SOBP: variants seen among roughly 807,000 people sequenced by gnomAD.
SOBP encodes the protein sine oculis binding protein homolog.
In SOBP, 4 loss-of-function variants were observed where a neutral mutation model predicts 53.6. The ratio of observed to expected loss-of-function variants is 0.07; its 90% CI spans 0.04 to 0.17. The LOEUF (loss-of-function observed/expected upper bound fraction) is 0.17. SOBP is among the 10% of genes least tolerant of loss of function. The pLI is 1.00. For synonymous variants in SOBP, 584 were observed against 522.6 expected (o/e 1.12, Z -1.60); for missense variants, 1,088 against 1,204.7 (o/e 0.90, Z 1.43).
intron 3 of SOBP, among the ~76,000 whole-genome samples, chr6:107,516,322 T>C (rs1783319232): frequency 6.6e-6 from 1 of 151,180 alleles, no homozygotes; most frequent in Non-Finnish European, 1.5e-5. Context: ...ATTAGTAGGG[T>C]GTGGTGATGC....
intron 3 of SOBP, among the ~76,000 whole-genome samples, chr6:107,521,184 AC>A (rs1417411919): frequency 2.7e-5 from 4 of 148,324 alleles, no homozygotes; most frequent in Non-Finnish European, 5.9e-5. Context: ...TTTGTCACTC[AC>A]CCAGTGTCTC....
chr6:107,500,280 T>C (rs1387039694), intron 1 of SOBP, among the ~76,000 whole-genome samples: 1 of 151,554 alleles, frequency 6.6e-6, no homozygotes, highest in Non-Finnish European at 1.5e-5. Flanking sequence ...TCCCACCTAC[T>C]TGGGAGGCTG....
Position 107,634,902 on chromosome 6 carries a change from G to T in SOBP, c.2058G>T (p.Glu686Asp). 1 of 1,273,806 alleles carries T rather than the reference G, an allele frequency of 7.9e-7. No individual in the cohort carries two copies. The highest frequency in any genetic ancestry group is 1.0e-6 in the Non-Finnish European group (1 of 1,000,586). The allele number at this position is 1,273,806 out of a possible 1,614,324, so 78.9% of individuals were successfully genotyped here. ...VKAEREPSAAERRTCGGCRDG... is the reference protein window; with the variant it reads ...VKAEREPSAADRRTCGGCRDG... ...CGGAGCGCGAGCCGAGCGCCGCGGA[G>T]CGCAGGACCTGCGGCGGCTGCAGGG... Residue 686 changes from glutamate (E) to aspartate (D), a missense_variant, in exon 6 of 7, where the codon GAG (glutamate) becomes GAT (aspartate). Physicochemically the swap from Glu to Asp is conservative, Grantham distance 45. This residue lies in a region of SOBP where 665 missense variants were observed against 629.7 expected (regional missense o/e 1.06). Coordinates refer to ENST00000317357, the MANE Select transcript of SOBP (RefSeq NM_018013.4). The surrounding 1 kb of genome is among the most constrained non-coding windows in gnomAD (Gnocchi z 4.5).
chr6:107,573,373 A>G (rs1562624732), intron 4 of SOBP, among the ~76,000 whole-genome samples: 1 of 152,000 alleles, frequency 6.6e-6, no homozygotes, highest in Non-Finnish European at 1.5e-5. Flanking sequence ...TTTTCTCCAG[A>G]AAAGAAAGCA....
chr6:107,619,825 G>A (rs1026333122), intron 5 of SOBP, among the ~76,000 whole-genome samples: 1 of 152,076 alleles, frequency 6.6e-6, no homozygotes, highest in Non-Finnish European at 1.5e-5. Flanking sequence ...TCCTGGGTAC[G>A]CCACACCCAT....
rs1015337213 is a variant in SOBP at position 107,659,581 on chromosome 6, T to G, written c.*1378T>G. On this transcript the variant is annotated 3_prime_UTR_variant, in exon 7 of 7. Transcript: ENST00000317357. ...CTTGTGATTCAGTGTATCTGTTTAC[T>G]AACTCAAATAAAGCAATTGTTCCCT... 3.3e-5 allele frequency: 5 copies of G among 152,036 alleles called. No homozygotes were observed. Among genetic ancestry groups the G allele is most frequent in the African/African-American group, 1.2e-4 (5 of 41,248 alleles). The allele number at this position is 152,036 out of a possible 1,614,324, so 9.4% of individuals were successfully genotyped here.
intron 1 of SOBP, among the ~76,000 whole-genome samples, chr6:107,499,878 G>A (rs1160996156): frequency 6.6e-6 from 1 of 151,994 alleles, no homozygotes. Context: ...AAATCTGTCT[G>A]CATTTTAACT....
chr6:107,634,433 T>C lies in SOBP; in HGVS notation c.1589T>C (p.Ile530Thr), dbSNP rs1270417182. 6.2e-7 allele frequency: 1 copy of C among 1,607,762 alleles called. No homozygotes were observed. Among genetic ancestry groups the C allele is most frequent in the Non-Finnish European group, 8.5e-7 (1 of 1,179,822 alleles). The change falls in exon 6 of 7, where the codon ATC (isoleucine) becomes ACC (threonine). Residue 530 changes from isoleucine (I) to threonine (T), a missense_variant. This residue lies in a region of SOBP where 665 missense variants were observed against 629.7 expected (regional missense o/e 1.06). Coordinates refer to ENST00000317357, the MANE Select transcript of SOBP (RefSeq NM_018013.4). The surrounding 1 kb of genome is among the most constrained non-coding windows in gnomAD (Gnocchi z 4.5). ...ACCCTGCTCGTGCCGTACCCCGTGA[T>C]CGTGCCCCTACCGGTGCCCATCCCC... ...PPTLLVPYPV[I>T]VPLPVPIPIP...
chr6:107,585,908 A>G (rs964791712), intron 4 of SOBP, among the ~76,000 whole-genome samples: 7 of 152,214 alleles, frequency 4.6e-5, no homozygotes, highest in African/African-American at 1.7e-4. Context: ...AGGAGGAACA[A>G]TACATAAGCA....
chr6:107,596,121 TC>T (rs1254610235), intron 5 of SOBP, among the ~76,000 whole-genome samples: 1 of 152,200 alleles, frequency 6.6e-6, no homozygotes, highest in Admixed American at 6.5e-5. Context: ...GCCTTGTCTC[TC>T]TCATTCATTG....
At chr6:107,606,589 A>G (rs1325969205) in intron 5 of SOBP, among the ~76,000 whole-genome samples, 3 of 152,152 alleles carry the variant, frequency 2.0e-5, no homozygotes, top group Admixed American at 6.5e-5. Flanking sequence ...CGAGGCAGCT[A>G]ATAGCTATCT....
intron 4 of SOBP, among the ~76,000 whole-genome samples, chr6:107,583,282 T>C (rs1039555841): frequency 6.6e-6 from 1 of 152,136 alleles, no homozygotes; most frequent in Non-Finnish European, 1.5e-5. Context: ...TCCTTGCCCT[T>C]AGGAAGCTTG....
chr6:107,611,012 G>A lies in SOBP; in HGVS notation c.670-22502G>A, dbSNP rs535596495. Among the ~76,000 whole-genome samples the A allele has an allele frequency of 3.3e-5, 5 of 152,360 alleles. No homozygotes were observed. In the East Asian group the frequency reaches 5.8e-4, roughly 18 times the overall value. On this transcript the variant is annotated intron_variant, in intron 5 of 6. Coordinates refer to ENST00000317357, the MANE Select transcript of SOBP (RefSeq NM_018013.4). ...AGAGAGCAGGCTGTTTGCTCAGCAG[G>A]TGCTGCCCAGTGGGGCCCAAACCCA...
intron 6 of SOBP, among the ~76,000 whole-genome samples, chr6:107,637,797 A>T (rs1771115498): frequency 6.6e-6 from 1 of 152,256 alleles, no homozygotes; most frequent in Admixed American, 6.5e-5. Flanking sequence ...AAAATAACAT[A>T]AAAACATAAA....
chr6:107,549,591 C>T (rs2115009482), intron 4 of SOBP, among the ~76,000 whole-genome samples: 1 of 152,210 alleles, frequency 6.6e-6, no homozygotes, highest in South Asian at 2.1e-4. Context: ...GTACAGCTCC[C>T]CTCCTCATTC....
intron 4 of SOBP, among the ~76,000 whole-genome samples, chr6:107,556,822 G>A (rs1003766581): frequency 1.1e-4 from 16 of 152,108 alleles, no homozygotes; most frequent in African/African-American, 1.9e-4. Context: ...GTCAAACCTC[G>A]GAGCAGATGT....
intron 5 of SOBP, among the ~76,000 whole-genome samples, chr6:107,589,257 C>A (rs1291206202): frequency 1.3e-5 from 2 of 152,166 alleles, no homozygotes; most frequent in African/African-American, 4.8e-5. Flanking sequence ...GCACTGAGGG[C>A]ACAGGGTTCT....
chr6:107,546,219 G>A (rs916396918), intron 4 of SOBP, among the ~76,000 whole-genome samples: 1 of 152,182 alleles, frequency 6.6e-6, no homozygotes, highest in Admixed American at 6.5e-5. Flanking sequence ...AGGAAGCAGT[G>A]TAAGAGAAAG....
At position 107,658,498 on chromosome 6, in the gene SOBP, AC is replaced by A. The variant is rs1052840400; in HGVS notation, c.*296del. 5 of 152,596 alleles carry A rather than the reference AC, an allele frequency of 3.3e-5. No individual in the cohort carries two copies. The highest frequency in any genetic ancestry group is 1.2e-4 in the African/African-American group (5 of 41,428). The allele number at this position is 152,596 out of a possible 1,614,324, so 9.5% of individuals were successfully genotyped here. On this transcript the variant is annotated 3_prime_UTR_variant, in exon 7 of 7. Coordinates refer to ENST00000317357, the MANE Select transcript of SOBP (RefSeq NM_018013.4). ...ATTTCACCCCTGGCTTTTAAAAAAA[AC>A]GAAATACCGACAAGCCACAAGGACC...
Sources: allele counts gnomAD v4.1 joint callset (sites outside exome capture counted in the v4.1 genomes callset), GRCh38; gene constraint gnomAD v4.1.1; regional missense constraint gnomAD v4.1.1; non-coding constraint Gnocchi (gnomAD v3.1); transcripts MANE v1.5; gene names NCBI Gene and HGNC (gene_info 2026-07-23, HGNC 2026-07-21).